The following PACRG variants were observed in gnomAD, a reference collection of about 807,000 sequenced individuals.
PACRG encodes parkin coregulated gene protein.
In PACRG, 29 loss-of-function variants were observed where a neutral mutation model predicts 29.7. That is an observed-to-expected ratio of 0.98 (90% CI 0.73 to 1.33). The LOEUF is 1.33. PACRG is among the 40% of genes most tolerant of loss of function. The pLI is 0.00. For missense variants in PACRG, 279 were observed against 316.2 expected (o/e 0.88, Z 0.89); for synonymous variants, 116 against 118.7 (o/e 0.98, Z 0.15).
In PACRG at chr6:162,853,491, ATCT is replaced by A. The variant is rs1217491201; in HGVS notation, c.291+39215_291+39217del. Among the ~76,000 whole-genome samples, 1 of 152,178 alleles carries A rather than the reference ATCT, an allele frequency of 6.6e-6. No homozygotes were observed. The highest frequency in any genetic ancestry group is 1.9e-4 in the East Asian group (1 of 5,200). On this transcript the variant is annotated intron_variant, in intron 2 of 4. Transcript: ENST00000366888. This position sits in a 1 kb window ranked among gnomAD's most constrained non-coding sequence, Gnocchi z 4.7. ...GTGGTGTTCTCAGTCCTTGTAGCCA[ATCT>A]TCTTGTTTTTATCACAGCCTTAATA...
At chr6:163,004,253 GA>G (rs1804836269) in intron 2 of PACRG, among the ~76,000 whole-genome samples, 2 of 150,064 alleles carry the variant, frequency 1.3e-5, no homozygotes, top group East Asian at 3.9e-4. Flanking sequence ...ATATGTATAT[GA>G]ACATATATAT....
chr6:163,054,435 G>A (rs1370409591), intron 2 of PACRG, among the ~76,000 whole-genome samples: 3 of 152,150 alleles, frequency 2.0e-5, no homozygotes, highest in Non-Finnish European at 2.9e-5. Context: ...CTCCAGAACT[G>A]TGGGAAAATA....
rs1562349100 is a variant in PACRG, at chr6:163,269,776, G to GAAAT, written c.614-45050_614-45049insAATA. ...AGAGAGAGAGAGAGACAGACAGACA[G>GAAAT]ACAGACAGAAAGAAAGAAAGGAAGG... On this transcript the variant is annotated intron_variant, in intron 4 of 4. Coordinates refer to ENST00000366888, the MANE Select transcript of PACRG (RefSeq NM_001080379.2). Among the ~76,000 whole-genome samples, 111 of 104,824 alleles carry GAAAT rather than the reference G, an allele frequency of 1.1e-3. 1 individual carries two copies. The highest frequency in any genetic ancestry group is 4.0e-3 in the African/African-American group (107 of 27,058). 68.8% of individuals were successfully genotyped at this position (104,824 alleles called of 152,430 possible).
intron 1 of PACRG, among the ~76,000 whole-genome samples, chr6:162,736,225 T>C (rs1780153688): frequency 6.6e-6 from 1 of 152,204 alleles, no homozygotes; most frequent in African/African-American, 2.4e-5. Context: ...AGTGAAAATA[T>C]CATCCACAAA....
chr6:163,043,478 G>A (rs1808965983), intron 2 of PACRG, among the ~76,000 whole-genome samples: 2 of 152,242 alleles, frequency 1.3e-5, no homozygotes, highest in South Asian at 4.1e-4. Flanking sequence ...CTTGAACCCA[G>A]GAGGCGGAGC....
chr6:162,801,343 A>T (rs182354710), intron 1 of PACRG, among the ~76,000 whole-genome samples: 14 of 152,002 alleles, frequency 9.2e-5, no homozygotes, highest in Admixed American at 3.9e-4. Context: ...TCCTGACCTC[A>T]GGTGATCCGC....
At chr6:163,100,152 G>A (rs1300643605) in intron 4 of PACRG, among the ~76,000 whole-genome samples, 1 of 151,898 alleles carries the variant, frequency 6.6e-6, no homozygotes, top group Non-Finnish European at 1.5e-5. Flanking sequence ...GGCTCGGCCC[G>A]AACCCACCAC....
chr6:163,127,091 T>A (rs1816546288), intron 4 of PACRG, among the ~76,000 whole-genome samples: 1 of 152,228 alleles, frequency 6.6e-6, no homozygotes, highest in Admixed American at 6.5e-5. Context: ...TCAGTTTTTT[T>A]ATGAGACTAT....
At chr6:162,764,339 T>C (rs537763924) in intron 1 of PACRG, among the ~76,000 whole-genome samples, 1 of 152,362 alleles carries the variant, frequency 6.6e-6, no homozygotes, top group African/African-American at 2.4e-5. Context: ...GCAAAAATTA[T>C]GTATTTTAAT....
chr6:162,888,649 C>T (rs1476766722), intron 2 of PACRG, among the ~76,000 whole-genome samples: 2 of 152,122 alleles, frequency 1.3e-5, no homozygotes, highest in African/African-American at 4.8e-5. Flanking sequence ...AAAAGGCGAT[C>T]AGAGCAGAGT....
At chr6:163,252,208 G>A (rs780976835) in intron 4 of PACRG, among the ~76,000 whole-genome samples, 10 of 152,222 alleles carry the variant, frequency 6.6e-5, no homozygotes, top group South Asian at 4.1e-4. Flanking sequence ...CCTGGTGCAC[G>A]TGAGGGCCGC....
At chr6:163,268,903 C>T (rs762431598) in intron 4 of PACRG, among the ~76,000 whole-genome samples, 6 of 152,258 alleles carry the variant, frequency 3.9e-5, no homozygotes, top group African/African-American at 1.4e-4. Context: ...GATGTGCTTC[C>T]GACTTCTTCC....
rs1810543084 is a variant in PACRG, at chr6:163,055,870, G to A, written c.292-6280G>A. Among the ~76,000 whole-genome samples, 1 of 152,110 alleles carries A rather than the reference G, an allele frequency of 6.6e-6. No individual in the cohort carries two copies. Among genetic ancestry groups the A allele is most frequent in the Non-Finnish European group, 1.5e-5 (1 of 68,032 alleles). On this transcript the variant is annotated intron_variant, in intron 2 of 4. Transcript: ENST00000366888. The surrounding 1 kb of genome is among the most constrained non-coding windows in gnomAD (Gnocchi z 4.0). ...CAGAATCCTTTCCCCCAGCTCTTAA[G>A]CAGCCACTTTCTGTCTCTTGGATTT... is the stretch of plus-strand genomic sequence containing the variant.
intron 4 of PACRG, among the ~76,000 whole-genome samples, chr6:163,199,034 T>C (rs763441331): frequency 9.9e-5 from 15 of 152,216 alleles, no homozygotes; most frequent in Admixed American, 2.0e-4. Flanking sequence ...CAATCAGATA[T>C]GCACCTATGC....
intron 2 of PACRG, among the ~76,000 whole-genome samples, chr6:162,911,816 G>C (rs1418649031): frequency 6.6e-6 from 1 of 152,146 alleles, no homozygotes; most frequent in Non-Finnish European, 1.5e-5. Context: ...GCTGAGCTTT[G>C]GACACTGCTA....
intron 2 of PACRG, among the ~76,000 whole-genome samples, chr6:162,973,107 A>AG (rs944289826): frequency 6.6e-6 from 1 of 152,204 alleles, no homozygotes; most frequent in African/African-American, 2.4e-5. Context: ...CTTTGTTCCT[A>AG]GTACGGTAAA....
chr6:162,935,067 GA>G (rs547208020), intron 2 of PACRG, among the ~76,000 whole-genome samples: 106 of 152,252 alleles, frequency 7.0e-4, no homozygotes, highest in Admixed American at 1.8e-3. Flanking sequence ...GTCTGATGGG[GA>G]TTCTCTTGTA....
intron 4 of PACRG, among the ~76,000 whole-genome samples, chr6:163,202,465 G>A (rs559024139): frequency 6.6e-6 from 1 of 152,230 alleles, no homozygotes; most frequent in African/African-American, 2.4e-5. Flanking sequence ...ATGTATGTGT[G>A]CGTGTATATG....
At chr6:162,771,881 C>T (rs570134704) in intron 1 of PACRG, among the ~76,000 whole-genome samples, 134 of 152,156 alleles carry the variant, frequency 8.8e-4, no homozygotes, top group African/African-American at 3.2e-3. Context: ...AGTGGAGCTC[C>T]TCCTTGTTAA....
Sources: gnomAD v4.1 joint callset for allele counts (sites outside exome capture counted in the v4.1 genomes callset) on GRCh38, gnomAD v4.1.1 for gene constraint, Gnocchi (gnomAD v3.1) non-coding constraint, MANE v1.5 for transcripts, NCBI Gene and HGNC (gene_info 2026-07-23, HGNC 2026-07-21) for gene names.